KCNQ1: variants seen among roughly 807,000 people sequenced by gnomAD.
KCNQ1 encodes the protein potassium voltage-gated channel subfamily Q member 1.
A neutral mutation model predicts 72.4 loss-of-function variants in KCNQ1; 49 were observed. The ratio of observed to expected loss-of-function variants is 0.68; its 90% CI spans 0.54 to 0.86. The LOEUF (loss-of-function observed/expected upper bound fraction) is 0.86. Ranked by LOEUF, KCNQ1 falls within the 40% of genes least tolerant of loss-of-function variation. KCNQ1 has a pLI of 0.00. For synonymous variants in KCNQ1, 450 were observed against 412.6 expected (o/e 1.09, Z -1.10); for missense variants, 790 against 945.1 (o/e 0.84, Z 2.15).
In KCNQ1 at chr11:2,515,233, C is replaced by T. The variant is rs1024787362; in HGVS notation, c.387-12695C>T. Among the ~76,000 whole-genome samples the T allele has an allele frequency of 6.6e-6, 1 of 152,194 alleles. No individual in the cohort carries two copies. The highest frequency in any genetic ancestry group is 2.4e-5 in the African/African-American group (1 of 41,440). ...ACCTTTCTCCGTCTTTCTGTCCAAG[C>T]ATCCCATCTGTCTAGCTTCCACTCA... On this transcript the variant is annotated intron_variant, in intron 1 of 15. Transcript: ENST00000155840. This position sits in a 1 kb window ranked among gnomAD's most constrained non-coding sequence, Gnocchi z 4.7.
Position 2,816,782 on chromosome 11 carries a change from C to T in KCNQ1, c.1795-30985C>T, listed in dbSNP as rs2134048605. Reference sequence around the variant, plus strand: ...CCCAGCTCATGCTTTCCAAAGTCCCCTGCTCAGGAGGCCTTCCCTGAGCCC... The same window carrying T: ...CCCAGCTCATGCTTTCCAAAGTCCCTTGCTCAGGAGGCCTTCCCTGAGCCC... On this transcript the variant is annotated intron_variant, in intron 15 of 15. Transcript: ENST00000155840. This position sits in a 1 kb window ranked among gnomAD's most constrained non-coding sequence, Gnocchi z 6.8. 6.6e-6 allele frequency among the ~76,000 whole-genome samples: 1 copy of T among 152,220 alleles called. No homozygotes were observed. The highest frequency in any genetic ancestry group is 1.9e-4 in the East Asian group (1 of 5,172).
intron 12 of KCNQ1, among the ~76,000 whole-genome samples, chr11:2,770,137 C>T (rs566990822): frequency 6.6e-6 from 1 of 152,290 alleles, no homozygotes; most frequent in East Asian, 1.9e-4. Flanking sequence ...ATGTCTTTCA[C>T]ACCAGGCCAC....
At chr11:2,790,681 C>G (rs1847004530) in intron 15 of KCNQ1, among the ~76,000 whole-genome samples, 1 of 152,240 alleles carries the variant, frequency 6.6e-6, no homozygotes, top group African/African-American at 2.4e-5. Context: ...AGCCTCCTGG[C>G]CCCCAGTGGA....
At position 2,508,170 on chromosome 11, in the gene KCNQ1, G is replaced by A. The variant is rs1847135402; in HGVS notation, c.387-19758G>A. Among the ~76,000 whole-genome samples the A allele has an allele frequency of 1.3e-5, 2 of 152,212 alleles. No homozygotes were observed. The highest frequency in any genetic ancestry group is 4.8e-5 in the African/African-American group (2 of 41,460). On this transcript the variant is annotated intron_variant, in intron 1 of 15. Transcript: ENST00000155840. This position sits in a 1 kb window ranked among gnomAD's most constrained non-coding sequence, Gnocchi z 6.2. ...GGGGTTTCCCAGGGATGCTGCTGCTGAAGGTGAGGTTTGCAAACACTAGGC... is the reference window on the plus strand; with the variant it reads ...GGGGTTTCCCAGGGATGCTGCTGCTAAAGGTGAGGTTTGCAAACACTAGGC...
intron 2 of KCNQ1, among the ~76,000 whole-genome samples, chr11:2,568,297 AT>A (rs1014073211): frequency 2.6e-5 from 4 of 151,852 alleles, no homozygotes; most frequent in African/African-American, 4.8e-5. Flanking sequence ...AAATAAATAA[AT>A]AAATAAAGTG....
chr11:2,547,347 C>T lies in KCNQ1; in HGVS notation c.477+19329C>T, dbSNP rs1847913677. Among the ~76,000 whole-genome samples, 1 of 152,198 alleles carries T rather than the reference C, an allele frequency of 6.6e-6. No individual in the cohort carries two copies. Among genetic ancestry groups the T allele is most frequent in the East Asian group, 1.9e-4 (1 of 5,200 alleles). ...CAGGGTTTAAGTGATTTTCGTGCCTCAGCCTCCCAAGTAGCTGGGATTATA... is the reference window on the plus strand; with the variant it reads ...CAGGGTTTAAGTGATTTTCGTGCCTTAGCCTCCCAAGTAGCTGGGATTATA... On this transcript the variant is annotated intron_variant, in intron 2 of 15. Coordinates refer to ENST00000155840, the MANE Select transcript of KCNQ1 (RefSeq NM_000218.3). The surrounding 1 kb of genome is among the most constrained non-coding windows in gnomAD (Gnocchi z 4.2).
At chr11:2,665,787 G>T in intron 11 of KCNQ1, 1 of 398,558 alleles carries the variant, frequency 2.5e-6, no homozygotes, top group Non-Finnish European at 4.4e-6. Context: ...ACTCAACCCT[G>T]CCTAAGATGA....
Position 2,794,077 on chromosome 11 carries a change from G to C in KCNQ1, c.1794+16040G>C, listed in dbSNP as rs77319319. 9.1e-3 allele frequency among the ~76,000 whole-genome samples: 1,387 copies of C among 152,314 alleles called. 8 individuals carry two copies. The highest frequency in any genetic ancestry group is 0.013 in the Non-Finnish European group (915 of 68,020). On this transcript the variant is annotated intron_variant, in intron 15 of 15. Coordinates refer to ENST00000155840, the MANE Select transcript of KCNQ1 (RefSeq NM_000218.3). ...GGTGAGGCAGAGCTGGTGAGCGAGG[G>C]ATGGCCCGGCCGGGCCAAGGATCCA... is the stretch of plus-strand genomic sequence containing the variant.
chr11:2,487,466 G>A (rs1242402080), intron 1 of KCNQ1, among the ~76,000 whole-genome samples: 1 of 152,164 alleles, frequency 6.6e-6, no homozygotes, highest in Non-Finnish European at 1.5e-5. Flanking sequence ...ACTTTGGGTA[G>A]TATTGATATC....
rs1850717300 is a variant in KCNQ1 at position 2,698,612 on chromosome 11, A to G, written c.1514+36531A>G. On this transcript the variant is annotated intron_variant, in intron 11 of 15. Coordinates refer to ENST00000155840, the MANE Select transcript of KCNQ1 (RefSeq NM_000218.3). This position sits in a 1 kb window ranked among gnomAD's most constrained non-coding sequence, Gnocchi z 5.1. ...GGCAGAACTTCGACTTCAATTCCTG[A>G]CTCCCATACCCCACTGAGACCTCTA... is the stretch of plus-strand genomic sequence containing the variant. 1 of 396,796 alleles carries G rather than the reference A, an allele frequency of 2.5e-6. No homozygotes were observed. Among genetic ancestry groups the G allele is most frequent in the East Asian group, 3.6e-5 (1 of 28,002 alleles). 24.6% of individuals were successfully genotyped at this position (396,796 alleles called of 1,614,324 possible).
chr11:2,794,097 G>A (rs1847084207), intron 15 of KCNQ1, among the ~76,000 whole-genome samples: 1 of 152,178 alleles, frequency 6.6e-6, no homozygotes, highest in Non-Finnish European at 1.5e-5. Context: ...CCGGGCCAAG[G>A]ATCCAGGGGT....
At chr11:2,699,035 C>A in intron 11 of KCNQ1, 1 of 398,666 alleles carries the variant, frequency 2.5e-6, no homozygotes. Context: ...GGATTTCCGA[C>A]TCCGGTCCCA....
chr11:2,714,523 C>A (rs1244791811), intron 11 of KCNQ1, among the ~76,000 whole-genome samples: 1 of 152,074 alleles, frequency 6.6e-6, no homozygotes, highest in East Asian at 1.9e-4. Flanking sequence ...GGCTGTGACG[C>A]CATAGGTGCT....
At chr11:2,799,436 CAG>C (rs1400217265) in intron 15 of KCNQ1, among the ~76,000 whole-genome samples, 1 of 150,938 alleles carries the variant, frequency 6.6e-6, no homozygotes, top group African/African-American at 2.4e-5. Flanking sequence ...TGCCTGGACA[CAG>C]TGTGTGTTGG....
Position 2,828,276 on chromosome 11 carries a change from G to A in KCNQ1, c.1795-19491G>A, listed in dbSNP as rs1435586786. On this transcript the variant is annotated intron_variant, in intron 15 of 15. Coordinates refer to ENST00000155840, the MANE Select transcript of KCNQ1 (RefSeq NM_000218.3). The surrounding 1 kb of genome is among the most constrained non-coding windows in gnomAD (Gnocchi z 5.3). ...GCTGCTGGAAGGTTTGGTGACCGGA[G>A]CAGCAGGTGCCAGAGCTGAAAGCAC... 4.6e-5 allele frequency among the ~76,000 whole-genome samples: 7 copies of A among 152,236 alleles called. No individual in the cohort carries two copies. Among genetic ancestry groups the A allele is most frequent in the Non-Finnish European group, 8.8e-5 (6 of 68,034 alleles).
chr11:2,445,580 G>T (rs903108601), intron 1 of KCNQ1, 96 bp downstream of exon 1: 142 of 1,407,106 alleles, frequency 1.0e-4, no homozygotes, highest in Non-Finnish European at 1.2e-4. Flanking sequence ...CGTCGGAGCT[G>T]CGACCCCGGA....
chr11:2,666,679 G>C, intron 11 of KCNQ1: 1 of 398,654 alleles, frequency 2.5e-6, no homozygotes. Flanking sequence ...GGACCAGCTT[G>C]GCCTGGGACA....
intron 11 of KCNQ1, among the ~76,000 whole-genome samples, chr11:2,739,118 G>A (rs1846005702): frequency 6.6e-6 from 1 of 152,196 alleles, no homozygotes; most frequent in African/African-American, 2.4e-5. Flanking sequence ...GGGTGGCCTT[G>A]AGTGTGTGCA....
Position 2,562,842 on chromosome 11 carries a change from C to T in KCNQ1, c.478-7786C>T, listed in dbSNP as rs573854469. 6.0e-4 allele frequency among the ~76,000 whole-genome samples: 91 copies of T among 152,268 alleles called. No individual in the cohort carries two copies. The highest frequency in any genetic ancestry group is 1.8e-3 in the African/African-American group (74 of 41,540). On this transcript the variant is annotated intron_variant, in intron 2 of 15. Coordinates refer to ENST00000155840, the MANE Select transcript of KCNQ1 (RefSeq NM_000218.3). This position sits in a 1 kb window ranked among gnomAD's most constrained non-coding sequence, Gnocchi z 7.5. ...TCCACAAAGCTCAGCTCTGATCCTT[C>T]GTATTTAATCTTCATCTTCCGCCGT...
Sources: gnomAD v4.1 joint callset for allele counts (sites outside exome capture counted in the v4.1 genomes callset) on GRCh38, gnomAD v4.1.1 for gene constraint, Gnocchi (gnomAD v3.1) non-coding constraint, MANE v1.5 for transcripts, NCBI Gene and HGNC (gene_info 2026-07-23, HGNC 2026-07-21) for gene names.